Variants in CNKSR3 observed in about 807,000 individuals in gnomAD.
CNKSR3 encodes the protein connector enhancer of kinase suppressor of ras 3.
A neutral mutation model predicts 67.7 loss-of-function variants in CNKSR3; 36 were observed. The observed-to-expected ratio is 0.53, with a 90% CI of 0.41 to 0.70. The LOEUF (loss-of-function observed/expected upper bound fraction) is 0.70. CNKSR3 is among the 30% of genes least tolerant of loss of function. CNKSR3 has a pLI of 0.00. For missense variants in CNKSR3, 630 were observed against 695.2 expected, an observed-to-expected ratio of 0.91 and a Z score of 1.05; for synonymous variants, 281 against 271.4, an observed-to-expected ratio of 1.04 and a Z score of -0.35.
chr6:154,406,156 C>CG lies in CNKSR3; in HGVS notation c.*197_*198insC. ...TTTCCCTCCTTTTGTCTCCACAAGC[C>CG]AGCACCTAAGATCCTCTGAATTTGT... On this transcript the variant is annotated 3_prime_UTR_variant, in exon 13 of 13. Transcript: ENST00000607772. 1 of 589,712 alleles carries CG rather than the reference C, an allele frequency of 1.7e-6. No individual in the cohort carries two copies. The highest frequency in any genetic ancestry group is 3.0e-6 in the Non-Finnish European group (1 of 335,038). The allele number at this position is 589,712 out of a possible 1,614,324, so 36.5% of individuals were successfully genotyped here.
chr6:154,484,136 G>C (rs1435153024), intron 1 of CNKSR3, among the ~76,000 whole-genome samples: 1 of 152,120 alleles, frequency 6.6e-6, no homozygotes, highest in Non-Finnish European at 1.5e-5. Flanking sequence ...TGTCATTAAC[G>C]ACAAAATAAC....
chr6:154,465,882 G>C (rs1210536536), intron 1 of CNKSR3, among the ~76,000 whole-genome samples: 1 of 152,170 alleles, frequency 6.6e-6, no homozygotes, highest in Non-Finnish European at 1.5e-5. Context: ...ATACAGGTGA[G>C]GGGGATTCTG....
chr6:154,458,566 C>A (rs529706281), intron 1 of CNKSR3, among the ~76,000 whole-genome samples: 1 of 152,198 alleles, frequency 6.6e-6, no homozygotes, highest in East Asian at 1.9e-4. Context: ...ATTCCTATCA[C>A]CCCCAAAAAA....
At position 154,400,034 on chromosome 6, in the gene CNKSR3, T is replaced by C. The variant is rs1326844236; in HGVS notation, c.*6320A>G. The C allele has an allele frequency of 1.3e-5, 2 of 152,224 alleles. No homozygotes were observed. The highest frequency in any genetic ancestry group is 4.8e-5 in the African/African-American group (2 of 41,468). The allele number at this position is 152,224 out of a possible 1,614,324, so 9.4% of individuals were successfully genotyped here. ...GGAGAGAAAATGATGAGAATATCCT[T>C]ATCCCTGGGTGTGAGGAGTAATTAC... On this transcript the variant is annotated 3_prime_UTR_variant, in exon 13 of 13. Transcript: ENST00000607772.
At chr6:154,430,705 AT>A in intron 5 of CNKSR3, 114 bp from the exon 6 acceptor site, 1 of 1,016,646 alleles carries the variant, frequency 9.8e-7, no homozygotes, top group Non-Finnish European at 1.4e-6. Flanking sequence ...GTTGGCAATC[AT>A]TTTGATAATT....
At chr6:154,413,419 T>C (rs895861324) in intron 10 of CNKSR3, among the ~76,000 whole-genome samples, 1 of 152,058 alleles carries the variant, frequency 6.6e-6, no homozygotes, top group African/African-American at 2.4e-5. Flanking sequence ...TTTGTAGAGA[T>C]GGGGCCTCAC....
In CNKSR3 at chr6:154,454,829, A is replaced by T. The variant is rs187676294; in HGVS notation, c.53-4571T>A. ...GAGCCACTATACCTGGCAGAAAAAA[A>T]AAAAATAATAATAAAATTTTTGAAA... is the stretch of plus-strand genomic sequence containing the variant. On this transcript the variant is annotated intron_variant, in intron 1 of 12. Coordinates refer to ENST00000607772, the MANE Select transcript of CNKSR3 (RefSeq NM_173515.4). Among the ~76,000 whole-genome samples, 58 of 152,104 alleles carry T rather than the reference A, an allele frequency of 3.8e-4. No homozygotes were observed. The East Asian group carries it at 6.0e-3, about 16-fold the overall frequency.
intron 1 of CNKSR3, among the ~76,000 whole-genome samples, chr6:154,504,721 A>G (rs1302698074): frequency 6.7e-6 from 1 of 148,986 alleles, no homozygotes; most frequent in African/African-American, 2.4e-5. Context: ...ATGAAATCAA[A>G]GAGGCTGGAC....
intron 1 of CNKSR3, among the ~76,000 whole-genome samples, chr6:154,487,982 C>A (rs1786712819): frequency 6.6e-6 from 1 of 152,118 alleles, no homozygotes; most frequent in African/African-American, 2.4e-5. Flanking sequence ...AGAATGTTAA[C>A]TACATGAAAC....
At chr6:154,422,451 G>A (rs1457108107) in intron 9 of CNKSR3, 55 bp downstream of exon 9, 1 of 1,523,840 alleles carries the variant, frequency 6.6e-7, no homozygotes, top group Non-Finnish European at 9.0e-7. Flanking sequence ...TTTGTTTGGA[G>A]ACTAATGAGA....
At chr6:154,423,449 G>C (rs1785188990) in intron 7 of CNKSR3, among the ~76,000 whole-genome samples, 1 of 152,174 alleles carries the variant, frequency 6.6e-6, no homozygotes, top group South Asian at 2.1e-4. Flanking sequence ...GTAGAGATGA[G>C]GTTTTACCAT....
chr6:154,410,469 G>A, intron 11 of CNKSR3, 37 bp from the exon 12 acceptor site: 1 of 1,452,354 alleles, frequency 6.9e-7, no homozygotes, highest in Non-Finnish European at 9.7e-7. Flanking sequence ...CAAGTTTGAT[G>A]AGTTCTGGAA....
rs1248306449 is a variant in CNKSR3, at chr6:154,396,667, T to C, written c.*9687A>G. 2 of 152,214 alleles carry C rather than the reference T, an allele frequency of 1.3e-5. No individual in the cohort carries two copies. The highest frequency in any genetic ancestry group is 2.9e-5 in the Non-Finnish European group (2 of 68,048). The allele number at this position is 152,214 out of a possible 1,614,324, so 9.4% of individuals were successfully genotyped here. ...CAGAGTAAGATCAAGGAGGACCTCATATGGATGACCTTGGGACTTACTGGG... is the reference window on the plus strand; with the variant it reads ...CAGAGTAAGATCAAGGAGGACCTCACATGGATGACCTTGGGACTTACTGGG... On this transcript the variant is annotated 3_prime_UTR_variant, in exon 13 of 13. Coordinates refer to ENST00000607772, the MANE Select transcript of CNKSR3 (RefSeq NM_173515.4).
intron 9 of CNKSR3, among the ~76,000 whole-genome samples, chr6:154,418,800 A>G (rs1386740972): frequency 6.6e-6 from 1 of 152,202 alleles, no homozygotes; most frequent in African/African-American, 2.4e-5. Flanking sequence ...GACAAAAGCA[A>G]AAACAGACAA....
At chr6:154,437,305 G>A (rs1310230942) in intron 4 of CNKSR3, among the ~76,000 whole-genome samples, 1 of 152,020 alleles carries the variant, frequency 6.6e-6, no homozygotes, top group East Asian at 1.9e-4. Context: ...CAACGCACAT[G>A]GGGTAAGCCA....
At chr6:154,454,229 A>G (rs1785904958) in intron 1 of CNKSR3, among the ~76,000 whole-genome samples, 1 of 152,196 alleles carries the variant, frequency 6.6e-6, no homozygotes, top group South Asian at 2.1e-4. Context: ...CATTTGTAAA[A>G]TGAGAATACT....
chr6:154,397,010 G>A lies in CNKSR3; in HGVS notation c.*9344C>T, dbSNP rs986028959. The A allele has an allele frequency of 5.9e-5, 9 of 151,512 alleles. No individual in the cohort carries two copies. The highest frequency in any genetic ancestry group is 1.9e-4 in the African/African-American group (8 of 41,184). 9.4% of individuals were successfully genotyped at this position (151,512 alleles called of 1,614,324 possible). Reference sequence around the variant, plus strand: ...TTTAGTAGAGACGGGGTTTCACCGTGTTAGCCAGGATGGTCTCGATCTCCT... The same window carrying A: ...TTTAGTAGAGACGGGGTTTCACCGTATTAGCCAGGATGGTCTCGATCTCCT... On this transcript the variant is annotated 3_prime_UTR_variant, in exon 13 of 13. Transcript: ENST00000607772.
At chr6:154,499,707 C>A (rs1005381444) in intron 1 of CNKSR3, among the ~76,000 whole-genome samples, 7 of 152,122 alleles carry the variant, frequency 4.6e-5, no homozygotes, top group African/African-American at 1.7e-4. Context: ...TGGGCTCAAG[C>A]CATCCTCCTG....
intron 7 of CNKSR3, among the ~76,000 whole-genome samples, chr6:154,426,346 TTTTATTTA>T (rs71558207): frequency 1.4e-4 from 21 of 147,976 alleles, no homozygotes; most frequent in South Asian, 4.3e-4. Context: ...CATTGAACTC[TTTTATTTA>T]TTTATTTATT....
Sources: gnomAD v4.1 joint callset for allele counts (sites outside exome capture counted in the v4.1 genomes callset) on GRCh38, gnomAD v4.1.1 for gene constraint, MANE v1.5 for transcripts, NCBI Gene and HGNC (gene_info 2026-07-23, HGNC 2026-07-21) for gene names.